The following DPP6 variants were observed in gnomAD, a reference collection of about 807,000 sequenced individuals.
DPP6 encodes the protein dipeptidyl peptidase like 6.
In DPP6, 69 loss-of-function variants were observed where a neutral mutation model predicts 122.6. That is an observed-to-expected ratio of 0.56 (90% CI 0.46 to 0.69). The LOEUF (loss-of-function observed/expected upper bound fraction) is 0.69, where lower values mean the gene tolerates loss of function less well. Ranked by LOEUF, DPP6 falls within the 30% of genes least tolerant of loss-of-function variation. The probability of loss-of-function intolerance (pLI) is 0.00; values close to 1 mark genes in which losing one functional copy is unlikely to be tolerated. For missense variants in DPP6, 928 were observed against 1,116.9 expected, an observed-to-expected ratio of 0.83 and a Z score of 2.41; for synonymous variants, 418 against 433.1, an observed-to-expected ratio of 0.97 and a Z score of 0.43.
chr7:154,733,243 G>T (rs1842421146), intron 8 of DPP6, among the ~76,000 whole-genome samples: 2 of 152,340 alleles, frequency 1.3e-5, no homozygotes, highest in South Asian at 2.1e-4. Flanking sequence ...CTGGAGAGGG[G>T]TTTAGTGCCT....
At chr7:154,005,865 T>C (rs1797893402) in intron 1 of DPP6, among the ~76,000 whole-genome samples, 1 of 152,060 alleles carries the variant, frequency 6.6e-6, no homozygotes, top group Non-Finnish European at 1.5e-5. Flanking sequence ...TGTTGGCGGC[T>C]ATGGAGATCC....
the DPP6 span, among the ~76,000 whole-genome samples, chr7:153,867,215 C>T: frequency 6.6e-6 from 1 of 152,142 alleles, no homozygotes; most frequent in South Asian, 2.1e-4. Context: ...AGGGGGATGG[C>T]ATTGAATCTA....
At chr7:154,748,304 T>A (rs1843133247) in intron 8 of DPP6, among the ~76,000 whole-genome samples, 1 of 152,174 alleles carries the variant, frequency 6.6e-6, no homozygotes, top group Non-Finnish European at 1.5e-5. Context: ...CTATAGAATG[T>A]CTTCATTTGG....
chr7:154,363,233 A>C (rs1811883990), intron 1 of DPP6, among the ~76,000 whole-genome samples: 1 of 152,150 alleles, frequency 6.6e-6, no homozygotes, highest in African/African-American at 2.4e-5. Context: ...GGCTCTGTTG[A>C]GCCTTTTGAA....
Position 154,277,349 on chromosome 7 carries a change from AAAC to A in DPP6, c.244-168853_244-168851del, listed in dbSNP as rs887608376. 1.2e-4 allele frequency among the ~76,000 whole-genome samples: 19 copies of A among 152,288 alleles called. No homozygotes were observed. In the East Asian group the frequency reaches 2.5e-3, roughly 20 times the overall value. On this transcript the variant is annotated intron_variant, in intron 1 of 25. Coordinates refer to ENST00000377770, the MANE Select transcript of DPP6 (RefSeq NM_130797.4). ...CTACTGGATTCATCTGAGCTAGTAA[AAAC>A]AACAACAACAAAAAAAACAATTGTC...
chr7:153,794,353 G>A, the DPP6 span, among the ~76,000 whole-genome samples: 1 of 152,176 alleles, frequency 6.6e-6, no homozygotes, highest in Non-Finnish European at 1.5e-5. Flanking sequence ...GGAGTCAAAG[G>A]AGATCATTTT....
At chr7:154,161,112 T>C (rs1232093390) in intron 1 of DPP6, among the ~76,000 whole-genome samples, 6 of 152,342 alleles carry the variant, frequency 3.9e-5, no homozygotes, top group South Asian at 4.1e-4. Flanking sequence ...ATAATAGATA[T>C]ATCCAAAAAT....
chr7:153,983,005 C>T (rs11766398), intron 1 of DPP6, among the ~76,000 whole-genome samples: 51,221 of 152,126 alleles, frequency 0.34, 9,064 homozygotes, highest in Non-Finnish European at 0.4. Flanking sequence ...GGTGTCTCCC[C>T]GTCAGGAGGT....
chr7:154,176,845 C>CT (rs921638405), intron 1 of DPP6, among the ~76,000 whole-genome samples: 6 of 151,520 alleles, frequency 4.0e-5, no homozygotes, highest in Admixed American at 1.3e-4. Context: ...TTTTCTTTTT[C>CT]TTTTTTTATT....
chr7:153,914,017 C>A (rs1022068432), intron 1 of DPP6, among the ~76,000 whole-genome samples: 1 of 152,138 alleles, frequency 6.6e-6, no homozygotes. Flanking sequence ...TTGGTGATAA[C>A]GGTTTGGCTG....
At chr7:154,854,029 G>A (rs1044885050) in intron 17 of DPP6, among the ~76,000 whole-genome samples, 8 of 152,150 alleles carry the variant, frequency 5.3e-5, no homozygotes, top group Non-Finnish European at 1.2e-4. Flanking sequence ...CTGCCAGAGG[G>A]CCCCACACCC....
the DPP6 span, among the ~76,000 whole-genome samples, chr7:153,776,018 T>C: frequency 6.6e-6 from 1 of 152,152 alleles, no homozygotes; most frequent in Non-Finnish European, 1.5e-5. Context: ...GTTTCTTTAA[T>C]GTAATCTGAA....
chr7:154,587,307 G>A, intron 5 of DPP6: 2 of 322,430 alleles, frequency 6.2e-6, no homozygotes, highest in Non-Finnish European at 1.2e-5. Context: ...GAGCTAAATT[G>A]GGTGATCTGC....
intron 1 of DPP6, among the ~76,000 whole-genome samples, chr7:154,032,873 C>G (rs1033589979): frequency 3.3e-5 from 5 of 149,796 alleles, no homozygotes; most frequent in Admixed American, 3.3e-4. Flanking sequence ...CCCCCTACCC[C>G]CTTGTTGTGT....
intron 4 of DPP6, among the ~76,000 whole-genome samples, chr7:154,549,990 T>A (rs1386006436): frequency 6.6e-6 from 1 of 152,214 alleles, no homozygotes; most frequent in African/African-American, 2.4e-5. Context: ...TATTTATAAT[T>A]TTTAGAAATA....
At chr7:154,857,885 T>C (rs906185151) in intron 17 of DPP6, among the ~76,000 whole-genome samples, 5 of 152,142 alleles carry the variant, frequency 3.3e-5, no homozygotes, top group East Asian at 1.9e-4. Context: ...TCTTTCACGA[T>C]TGAAAAGGCC....
chr7:154,006,993 C>G (rs1217623853), intron 1 of DPP6, among the ~76,000 whole-genome samples: 1 of 152,188 alleles, frequency 6.6e-6, no homozygotes, highest in Admixed American at 6.5e-5. Flanking sequence ...TTCAGCTCTT[C>G]CCAAACTACT....
the DPP6 span, among the ~76,000 whole-genome samples, chr7:153,870,877 C>A: frequency 1.3e-5 from 2 of 152,114 alleles, no homozygotes; most frequent in African/African-American, 4.8e-5. Flanking sequence ...CAGACAGGAC[C>A]CTCAGCTGCA....
At chr7:153,757,941 A>G in the DPP6 span, among the ~76,000 whole-genome samples, 3 of 152,250 alleles carry the variant, frequency 2.0e-5, no homozygotes, top group Non-Finnish European at 4.4e-5. Flanking sequence ...CCTGGGTGAC[A>G]GAATGAGATG....
Sources: gnomAD v4.1 joint callset for allele counts (sites outside exome capture counted in the v4.1 genomes callset) on GRCh38, gnomAD v4.1.1 for gene constraint, MANE v1.5 for transcripts, NCBI Gene and HGNC (gene_info 2026-07-23, HGNC 2026-07-21) for gene names.